CAPN14: variants seen among roughly 807,000 people sequenced by gnomAD.
CAPN14 encodes calpain 14, also known as calpain-14.
CAPN14 carries 94 observed loss-of-function variants against 101.3 expected under a neutral mutation model. The ratio of observed to expected loss-of-function variants is 0.93; its 90% CI spans 0.79 to 1.10. The LOEUF (loss-of-function observed/expected upper bound fraction) is 1.10. Ranked by LOEUF, CAPN14 falls within the 50% of genes least tolerant of loss-of-function variation. The pLI is 0.00. For synonymous variants in CAPN14, 338 were observed against 317.9 expected (o/e 1.06, Z -0.67); for missense variants, 837 against 828.4 (o/e 1.01, Z -0.13).
chr2:31,219,339 T>C (rs1181915168), upstream of CAPN14, among the ~76,000 whole-genome samples: 2 of 152,198 alleles, frequency 1.3e-5, no homozygotes, highest in African/African-American at 4.8e-5. Context: ...TCAGAGGTCA[T>C]ACATCCCTTC....
chr2:31,185,798 C>T (rs765643524), intron 16 of CAPN14, among the ~76,000 whole-genome samples: 2 of 152,224 alleles, frequency 1.3e-5, no homozygotes, highest in African/African-American at 4.8e-5. Context: ...AGCAAATACT[C>T]TGGTTGTTTT....
Position 31,206,371 on chromosome 2 carries a change from C to T in CAPN14, c.-52-872G>A, listed in dbSNP as rs188145795. Among the ~76,000 whole-genome samples the T allele has an allele frequency of 9.9e-5, 15 of 152,246 alleles. No homozygotes were observed. In the East Asian group the frequency reaches 1.6e-3, roughly 16 times the overall value. On this transcript the variant is annotated intron_variant, in intron 1 of 21. Transcript: ENST00000403897. The stretch of plus-strand genomic sequence containing the variant: ...TGGCAGGGCTGCAGGTTGGCGTGGG[C>T]GAGCCGGCAGTGCATCAGATACAGA...
chr2:31,186,471 A>C lies in CAPN14; in HGVS notation c.1602T>G (p.Asn534Lys). Residue 534 changes from asparagine to lysine, a missense_variant, in exon 16 of 22, where the codon AAT becomes AAG. Physicochemically the swap from Asn to Lys is moderately conservative, Grantham distance 94. Transcript: ENST00000403897. ...TKFFEKHPEINAVQLQNLLNQ... is the reference protein window; with the variant it reads ...TKFFEKHPEIKAVQLQNLLNQ... ...TCAGGAGGTTCTGAAGTTGAACTGCATTAATCTCTGGATGCTAAATAGAAA... is the reference window on the plus strand; with the variant it reads ...TCAGGAGGTTCTGAAGTTGAACTGCCTTAATCTCTGGATGCTAAATAGAAA... 2 of 1,548,834 alleles carry C rather than the reference A, an allele frequency of 1.3e-6. No homozygotes were observed. The highest frequency in any genetic ancestry group is 1.7e-6 in the Non-Finnish European group (2 of 1,146,032).
chr2:31,182,702 A>C (rs1474273462), intron 16 of CAPN14, among the ~76,000 whole-genome samples: 2 of 146,280 alleles, frequency 1.4e-5, no homozygotes, highest in South Asian at 2.2e-4. Context: ...AAACAAATGG[A>C]AGAACATTCC....
chr2:31,222,702 T>G (rs1403067631), intron 2 of CAPN14, among the ~76,000 whole-genome samples: 1 of 152,170 alleles, frequency 6.6e-6, no homozygotes, highest in Non-Finnish European at 1.5e-5. Flanking sequence ...TTGAGAACCT[T>G]TTAACCCCTT....
rs144558381 is a variant in CAPN14 at position 31,177,800 on chromosome 2, G to C, written c.1801C>G (p.Arg601Gly). Residue 601 changes from arginine (R) to glycine (G), a missense_variant, in exon 19 of 22, where the codon CGT becomes GGT. Arg to Gly is a moderately radical substitution (Grantham distance 125). Transcript: ENST00000403897. Reference sequence around the variant, plus strand: ...TCCCAGTTCAGGTATCCTGACCCACGGTCTTGCTTGTGGAAAACCTTCTGC... The same window carrying C: ...TCCCAGTTCAGGTATCCTGACCCACCGTCTTGCTTGTGGAAAACCTTCTGC... ...LSQKVFHKQD[R>G]GSGYLNWEQL... 134 of 1,551,944 alleles carry C rather than the reference G, an allele frequency of 8.6e-5. 1 individual carries two copies. The Middle Eastern group carries it at 1.0e-3, about 12-fold the overall frequency.
In CAPN14 at chr2:31,225,062, C is replaced by T. The variant is rs138762039; in HGVS notation, c.-53+1466G>A. ...CATTAAAATTAACTTGGATTAGACA[C>T]AGACAAAAGATTAATAAATGTCCTT... On this transcript the variant is annotated intron_variant and NMD_transcript_variant, in intron 2 of 21. Transcript: ENST00000398824. 4.1e-3 allele frequency among the ~76,000 whole-genome samples: 629 copies of T among 151,914 alleles called. 2 individuals carry two copies. Among genetic ancestry groups the T allele is most frequent in the Middle Eastern group, 0.01 (3 of 294 alleles).
chr2:31,200,031 C>G (rs1007031735), intron 6 of CAPN14, among the ~76,000 whole-genome samples: 3 of 152,108 alleles, frequency 2.0e-5, no homozygotes, highest in Non-Finnish European at 4.4e-5. Flanking sequence ...AAAACGGAAT[C>G]TCTCTCTTGT....
chr2:31,220,844 G>T (rs1239030202), upstream of CAPN14, among the ~76,000 whole-genome samples: 1 of 152,038 alleles, frequency 6.6e-6, no homozygotes, highest in East Asian at 1.9e-4. Context: ...ATTTTTGTTC[G>T]TTTGGTTATA....
chr2:31,185,808 T>C (rs1680873498), intron 16 of CAPN14, among the ~76,000 whole-genome samples: 2 of 152,266 alleles, frequency 1.3e-5, no homozygotes, highest in African/African-American at 2.4e-5. Flanking sequence ...CTGGTTGTTT[T>C]ACTTTTTTTA....
intron 14 of CAPN14, 82 bp downstream of exon 14, chr2:31,188,236 A>G: frequency 6.6e-6 from 8 of 1,217,556 alleles, no homozygotes; most frequent in Non-Finnish European, 9.5e-6. Context: ...TCCTCCCCTG[A>G]CTCCTTAACT....
intron 1 of CAPN14, among the ~76,000 whole-genome samples, chr2:31,207,339 T>G (rs1448667190): frequency 6.6e-6 from 1 of 152,212 alleles, no homozygotes; most frequent in African/African-American, 2.4e-5. Flanking sequence ...GGGCACCTAC[T>G]GTCTTGGTGC....
At chr2:31,195,528 GGTTTTA>G in intron 8 of CAPN14, among the ~76,000 whole-genome samples, 1 of 152,084 alleles carries the variant, frequency 6.6e-6, no homozygotes, top group East Asian at 1.9e-4. Context: ...GTAGAGACGT[GGTTTTA>G]CCATGTTGGC....
intron 8 of CAPN14, among the ~76,000 whole-genome samples, chr2:31,195,772 C>G (rs1338737493): frequency 1.3e-5 from 2 of 152,134 alleles, no homozygotes; most frequent in East Asian, 3.9e-4. Context: ...TTCAAAGTAT[C>G]AAAACAATCC....
intron 1 of CAPN14, among the ~76,000 whole-genome samples, chr2:31,231,644 C>T (rs770227074): frequency 9.9e-5 from 15 of 152,146 alleles, no homozygotes; most frequent in African/African-American, 1.4e-4. Context: ...ATTAGATATT[C>T]GGAACAGACA....
intron 1 of CAPN14, among the ~76,000 whole-genome samples, chr2:31,212,324 A>AAAAC (rs1474589999): frequency 6.6e-6 from 1 of 151,058 alleles, no homozygotes; most frequent in African/African-American, 2.5e-5. Context: ...AAAAAAAAAA[A>AAAAC]AAACAAAAAA....
intron 21 of CAPN14, 115 bp from the exon 22 acceptor site, chr2:31,174,822 C>G: frequency 3.2e-6 from 3 of 951,646 alleles, no homozygotes. Context: ...ATGGTTTAGC[C>G]AGAGGGAGCA....
At chr2:31,223,353 T>C (rs1460286959) in intron 2 of CAPN14, among the ~76,000 whole-genome samples, 5 of 152,190 alleles carry the variant, frequency 3.3e-5, no homozygotes, top group African/African-American at 1.2e-4. Context: ...TTCAAATTTT[T>C]AGCTCCTTAA....
intron 8 of CAPN14, among the ~76,000 whole-genome samples, 199 bp from the exon 9 acceptor site, chr2:31,194,682 A>G (rs949887645): frequency 1.3e-5 from 2 of 152,196 alleles, no homozygotes; most frequent in Non-Finnish European, 2.9e-5. Flanking sequence ...CTTGACATAC[A>G]TTATTTCATT....
Sources: allele counts gnomAD v4.1 joint callset (sites outside exome capture counted in the v4.1 genomes callset), GRCh38; gene constraint gnomAD v4.1.1; transcripts MANE v1.5; gene names NCBI Gene and HGNC (gene_info 2026-07-23, HGNC 2026-07-21).